VPS13B: variants seen among roughly 807,000 people sequenced by gnomAD.
The protein encoded by VPS13B is vacuolar protein sorting 13 homolog B, also known as intermembrane lipid transfer protein VPS13B.
Under a neutral mutation model 426.4 loss-of-function variants are expected in VPS13B, and 285 were observed. The ratio of observed to expected loss-of-function variants is 0.67; its 90% CI spans 0.61 to 0.74. VPS13B has a LOEUF of 0.74. VPS13B is among the 30% of genes least tolerant of loss of function. VPS13B has a pLI of 0.00. For missense variants in VPS13B, 4,537 were observed against 4,782.6 expected (o/e 0.95, Z 1.51); for synonymous variants, 1,676 against 1,676.4 (o/e 1.00, Z 0.01).
chr8:99,242,063 C>T (rs1816960662), intron 17 of VPS13B, among the ~76,000 whole-genome samples: 1 of 152,110 alleles, frequency 6.6e-6, no homozygotes, highest in Admixed American at 6.5e-5. Context: ...TCACTGCAAC[C>T]TCCGCCTCCC....
intron 42 of VPS13B, among the ~76,000 whole-genome samples, chr8:99,780,761 G>A (rs1032477803): frequency 5.3e-5 from 8 of 152,130 alleles, no homozygotes. Context: ...AAGTTTTAAT[G>A]TGGTAGGCAC....
chr8:99,765,883 AT>A (rs1811192701), intron 39 of VPS13B, among the ~76,000 whole-genome samples: 1 of 152,128 alleles, frequency 6.6e-6, no homozygotes. Context: ...CATTTTAAAA[AT>A]ATTAACATGT....
rs931899180 is a variant in VPS13B at position 99,481,039 on chromosome 8, G to A, written c.3667-560G>A. Among the ~76,000 whole-genome samples, 3 of 152,126 alleles carry A rather than the reference G, an allele frequency of 2.0e-5. No individual in the cohort carries two copies. In the South Asian group the frequency reaches 6.2e-4, roughly 32 times the overall value. ...TAAACAGTTTTTTCTCCGAATATTGGAATGACATCTCCTTTGGGAATAGTA... is the reference window on the plus strand; with the variant it reads ...TAAACAGTTTTTTCTCCGAATATTGAAATGACATCTCCTTTGGGAATAGTA... On this transcript the variant is annotated intron_variant, in intron 24 of 61. Transcript: ENST00000357162.
intron 17 of VPS13B, among the ~76,000 whole-genome samples, chr8:99,266,169 G>T (rs1818285264): frequency 1.3e-5 from 2 of 152,032 alleles, no homozygotes; most frequent in African/African-American, 4.8e-5. Flanking sequence ...AGGTCTCAGT[G>T]AGTCTTAAAG....
At chr8:99,665,351 T>C (rs2129814717) in intron 35 of VPS13B, among the ~76,000 whole-genome samples, 1 of 152,240 alleles carries the variant, frequency 6.6e-6, no homozygotes, top group African/African-American at 2.4e-5. Flanking sequence ...TTTTGGCTTT[T>C]GTTGCCATTG....
intron 49 of VPS13B, 29 bp downstream of exon 49, chr8:99,820,151 T>C (rs756448162): frequency 2.5e-6 from 4 of 1,589,888 alleles, no homozygotes; most frequent in Non-Finnish European, 2.6e-6. Context: ...CTAATACGAA[T>C]TCTTATCTCT....
chr8:99,376,258 G>C (rs2133274259), intron 19 of VPS13B, among the ~76,000 whole-genome samples: 1 of 152,280 alleles, frequency 6.6e-6, no homozygotes, highest in East Asian at 1.9e-4. Context: ...TAATTACCCA[G>C]ATATTTATAT....
At chr8:99,435,216 A>C (rs1408805307) in intron 22 of VPS13B, among the ~76,000 whole-genome samples, 1 of 152,218 alleles carries the variant, frequency 6.6e-6, no homozygotes, top group Non-Finnish European at 1.5e-5. Context: ...TGTGTGGTTT[A>C]GAATATGATA....
At chr8:99,673,222 T>C (rs1291752476) in intron 35 of VPS13B, among the ~76,000 whole-genome samples, 1 of 152,090 alleles carries the variant, frequency 6.6e-6, no homozygotes, top group Admixed American at 6.6e-5. Context: ...GATATTTAAG[T>C]ACTGAGTAGA....
chr8:99,170,844 T>G lies in VPS13B; in HGVS notation c.2333+681T>G, dbSNP rs1812291003. 2.0e-5 allele frequency among the ~76,000 whole-genome samples: 3 copies of G among 151,698 alleles called. No homozygotes were observed. The South Asian group carries it at 6.2e-4, about 31-fold the overall frequency. Reference sequence around the variant, plus strand: ...TTTTTAGTGAACCATTTTTCCAATTTAAAATGTGATTTAGAATATGTCTTT... The same window carrying G: ...TTTTTAGTGAACCATTTTTCCAATTGAAAATGTGATTTAGAATATGTCTTT... On this transcript the variant is annotated intron_variant, in intron 16 of 61. Coordinates refer to ENST00000357162, the MANE Select transcript of VPS13B (RefSeq NM_152564.5).
At chr8:99,557,325 C>T (rs1038553800) in intron 31 of VPS13B, among the ~76,000 whole-genome samples, 5 of 151,444 alleles carry the variant, frequency 3.3e-5, no homozygotes, top group African/African-American at 1.2e-4. Flanking sequence ...TCCCCAAAGT[C>T]CATTATATCA....
Position 99,613,869 on chromosome 8 carries a change from T to C in VPS13B, c.5221-27942T>C, listed in dbSNP as rs981819587. 1.6e-4 allele frequency: 25 copies of C among 152,338 alleles called. 1 individual carries two copies. The highest frequency in any genetic ancestry group is 5.8e-4 in the African/African-American group (24 of 41,580). 9.4% of individuals were successfully genotyped at this position (152,338 alleles called of 1,614,324 possible). A position where few individuals can be genotyped will look rare whatever the true frequency, so the allele number is the denominator to read the frequency against. ...CCCATTACTGCTCAGCACAGGAGTT[T>C]TGACCTGCTCCATTTCCAACCTGGG... On this transcript the variant is annotated intron_variant, in intron 33 of 61. Coordinates refer to ENST00000357162, the MANE Select transcript of VPS13B (RefSeq NM_152564.5).
chr8:99,257,810 T>G (rs1166128873), intron 17 of VPS13B, among the ~76,000 whole-genome samples: 1 of 151,844 alleles, frequency 6.6e-6, no homozygotes, highest in African/African-American at 2.4e-5. Flanking sequence ...TTTTTTTAAG[T>G]TAGTGCCCAA....
Position 99,511,167 on chromosome 8 carries a change from A to G in VPS13B, c.4288A>G (p.Lys1430Glu). Residue 1430 changes from lysine (K) to glutamate (E), a missense_variant, in exon 29 of 62, where the codon AAA becomes GAA. Coordinates refer to ENST00000357162, the MANE Select transcript of VPS13B (RefSeq NM_152564.5). ...QHGFLSLTYT[K>E]AVTKNVRHKL... is the part of the protein sequence containing the mutation. ...TGGATTCCTCTCTCTGACATACACA[A>G]AAGCTGTAACAAAAAATGTCCGCCA... is the stretch of plus-strand genomic sequence containing the variant. 6.2e-7 allele frequency: 1 copy of G among 1,613,970 alleles called. No individual in the cohort carries two copies. The highest frequency in any genetic ancestry group is 1.1e-5 in the South Asian group (1 of 91,082).
At chr8:99,144,061 G>T (rs996303496) in intron 13 of VPS13B, among the ~76,000 whole-genome samples, 2 of 151,966 alleles carry the variant, frequency 1.3e-5, no homozygotes, top group African/African-American at 4.8e-5. Context: ...GTATGGGCTG[G>T]ACCTGCCATT....
chr8:99,139,880 CTTGT>C (rs1810305759), intron 12 of VPS13B, among the ~76,000 whole-genome samples: 1 of 151,338 alleles, frequency 6.6e-6, no homozygotes, highest in Non-Finnish European at 1.5e-5. Context: ...ATCTAAAACT[CTTGT>C]TTTTTTGTGA....
intron 17 of VPS13B, among the ~76,000 whole-genome samples, chr8:99,207,163 T>C (rs537189678): frequency 6.6e-6 from 1 of 152,180 alleles, no homozygotes; most frequent in Non-Finnish European, 1.5e-5. Context: ...AGCTCATTTA[T>C]AGAATATGTG....
At chr8:99,763,860 T>G (rs1811069799) in intron 39 of VPS13B, among the ~76,000 whole-genome samples, 1 of 152,220 alleles carries the variant, frequency 6.6e-6, no homozygotes. Flanking sequence ...ACATTTACCC[T>G]CTTCCGCATA....
intron 3 of VPS13B, among the ~76,000 whole-genome samples, chr8:99,055,679 G>T (rs1843809075): frequency 6.6e-6 from 1 of 151,870 alleles, no homozygotes; most frequent in Non-Finnish European, 1.5e-5. Context: ...TTCCATTTTG[G>T]ATCATTTGTT....
Sources: allele counts gnomAD v4.1 joint callset (sites outside exome capture counted in the v4.1 genomes callset), GRCh38; gene constraint gnomAD v4.1.1; transcripts MANE v1.5; gene names NCBI Gene and HGNC (gene_info 2026-07-23, HGNC 2026-07-21).